Variants in PDILT observed in about 807,000 individuals in gnomAD.
PDILT encodes protein disulfide-isomerase-like protein of the testis.
Under a neutral mutation model 53.7 loss-of-function variants are expected in PDILT, and 43 were observed. The observed-to-expected ratio is 0.80, with a 90% CI of 0.63 to 1.03. PDILT has a LOEUF of 1.03. PDILT is among the 50% of genes least tolerant of loss of function. PDILT has a pLI of 0.00. For synonymous variants in PDILT, 282 were observed against 274.2 expected, an observed-to-expected ratio of 1.03 and a Z score of -0.28; for missense variants, 727 against 712.3, an observed-to-expected ratio of 1.02 and a Z score of -0.24.
chr16:20,360,421 A>G (rs1465881743), intron 11 of PDILT, 147 bp downstream of exon 11: 2 of 750,912 alleles, frequency 2.7e-6, no homozygotes, highest in Non-Finnish European at 4.6e-6. Context: ...GGTGACTAGT[A>G]GAGTCACCCA....
chr16:20,369,453 T>C, intron 8 of PDILT, 39 bp downstream of exon 8: 3 of 1,571,848 alleles, frequency 1.9e-6, no homozygotes, highest in Non-Finnish European at 2.6e-6. Context: ...GGAGATGATT[T>C]TGAGGTTCTG....
intron 1 of PDILT, among the ~76,000 whole-genome samples, chr16:20,403,616 C>T (rs1966774400): frequency 6.6e-6 from 1 of 152,004 alleles, no homozygotes; most frequent in African/African-American, 2.4e-5. Context: ...ACAGGAATTC[C>T]ATCACACCAC....
chr16:20,359,416 C>A lies in PDILT; in HGVS notation c.1658G>T (p.Gly553Val). The A allele has an allele frequency of 6.2e-7, 1 of 1,614,144 alleles. No homozygotes were observed. Among genetic ancestry groups the A allele is most frequent in the East Asian group, 2.2e-5 (1 of 44,880 alleles). The change falls in exon 12 of 12, where the codon GGG (glycine) becomes GTG (valine). Residue 553 changes from glycine to valine, a missense_variant. Gly to Val is a moderately radical substitution (Grantham distance 109, BLOSUM62 -3). Transcript: ENST00000302451. ...KYVSKLEEPA[G>V]KKKTSEEVVV... ...CACCTCCTCAGATGTTTTCTTCTTC[C>A]CAGCGGGCTCTTCCAGCTTGGATAC...
intron 3 of PDILT, among the ~76,000 whole-genome samples, chr16:20,379,604 C>T (rs1211656980): frequency 6.6e-6 from 1 of 152,230 alleles, no homozygotes; most frequent in Non-Finnish European, 1.5e-5. Context: ...CATGAGTCAC[C>T]ATGCCCGGCT....
chr16:20,361,119 G>A (rs1966093922), intron 10 of PDILT, among the ~76,000 whole-genome samples: 2 of 151,804 alleles, frequency 1.3e-5, no homozygotes, highest in Admixed American at 6.6e-5. Flanking sequence ...ACAATAATAA[G>A]AGGAAGAATA....
At chr16:20,392,444 C>T (rs1966616437) in intron 2 of PDILT, among the ~76,000 whole-genome samples, 1 of 152,142 alleles carries the variant, frequency 6.6e-6, no homozygotes, top group African/African-American at 2.4e-5. Flanking sequence ...GCTGGTCACC[C>T]ATTAAGGATC....
At chr16:20,368,295 A>C (rs1019876316) in intron 8 of PDILT, among the ~76,000 whole-genome samples, 2 of 152,126 alleles carry the variant, frequency 1.3e-5, no homozygotes, top group Non-Finnish European at 2.9e-5. Flanking sequence ...CAGAGAGTGA[A>C]GGCAGATAGT....
intron 3 of PDILT, among the ~76,000 whole-genome samples, chr16:20,380,071 T>C (rs1966442111): frequency 6.6e-6 from 1 of 152,166 alleles, no homozygotes; most frequent in South Asian, 2.1e-4. Context: ...ACCTGCCAAA[T>C]GAATTTAAAT....
At chr16:20,365,664 G>C in intron 8 of PDILT, 124 bp from the exon 9 acceptor site, 4 of 1,260,572 alleles carry the variant, frequency 3.2e-6, no homozygotes, top group Non-Finnish European at 4.4e-6. Context: ...CCTTAGGAAA[G>C]GGTTTGAAAT....
chr16:20,368,490 C>CA lies in PDILT; in HGVS notation c.1116+1001dup, dbSNP rs560970232. Among the ~76,000 whole-genome samples the CA allele has an allele frequency of 3.5e-3, 538 of 152,260 alleles. 14 individuals carry two copies. Among genetic ancestry groups the CA allele is most frequent in the Admixed American group, 0.019 (297 of 15,298 alleles). On this transcript the variant is annotated intron_variant, in intron 8 of 11. Transcript: ENST00000302451. ...GCTTCCACAGAAAAGGCTATAGGGG[C>CA]AGCTGTGTCTCTGGGAGAATGGACA... is the stretch of plus-strand genomic sequence containing the variant.
chr16:20,400,441 G>GTTTTTTT (rs1966724181), intron 1 of PDILT, among the ~76,000 whole-genome samples: 1 of 142,820 alleles, frequency 7.0e-6, no homozygotes. Flanking sequence ...TTGCAGCTTG[G>GTTTTTTT]TTAGCTCTTT....
intron 2 of PDILT, among the ~76,000 whole-genome samples, chr16:20,394,545 T>G (rs1238568890): frequency 6.6e-6 from 1 of 152,192 alleles, no homozygotes; most frequent in African/African-American, 2.4e-5. Flanking sequence ...GTAGAAATGA[T>G]GTACACCAGT....
At chr16:20,376,282 A>C (rs1412347438) in intron 3 of PDILT, 81 bp from the exon 4 acceptor site, 3 of 1,548,564 alleles carry the variant, frequency 1.9e-6, no homozygotes, top group Middle Eastern at 1.7e-4. Context: ...CTCAAGTTTA[A>C]TGCATAGAAC....
chr16:20,390,460 G>C (rs1966595023), intron 2 of PDILT: 1 of 152,062 alleles, frequency 6.6e-6, no homozygotes, highest in Admixed American at 6.6e-5. Flanking sequence ...CAGGGAGGCT[G>C]TCCCTGGCCA....
intron 1 of PDILT, among the ~76,000 whole-genome samples, chr16:20,401,592 G>C (rs952277907): frequency 1.4e-4 from 21 of 152,172 alleles, no homozygotes; most frequent in African/African-American, 4.6e-4. Context: ...AAGCCTCAAG[G>C]GGCCTTCAGA....
rs768435340 is a variant in PDILT at position 20,369,471 on chromosome 16, C to T, written c.1116+21G>A. On this transcript the variant is annotated intron_variant, in intron 8 of 11. Coordinates refer to ENST00000302451, the MANE Select transcript of PDILT (RefSeq NM_174924.2). ...GATGATTTTGAGGTTCTGGATAAAC[C>T]TTGTCCAAGAAAAAACCTACTGTGG... 3 of 1,606,314 alleles carry T rather than the reference C, an allele frequency of 1.9e-6. No homozygotes were observed. The East Asian group carries it at 6.7e-5, about 36-fold the overall frequency.
intron 4 of PDILT, 28 bp downstream of exon 4, chr16:20,376,040 G>T: frequency 3.1e-6 from 5 of 1,613,210 alleles, no homozygotes; most frequent in African/African-American, 1.3e-5. Context: ...TCAGTTGAAA[G>T]CCTCCTCCCA....
chr16:20,370,825 G>A (rs1354950683), intron 7 of PDILT, among the ~76,000 whole-genome samples: 2 of 152,100 alleles, frequency 1.3e-5, no homozygotes, highest in African/African-American at 4.8e-5. Flanking sequence ...TGACCTCTGG[G>A]CATCCTCACT....
rs188450828 is a variant in PDILT at position 20,377,247 on chromosome 16, T to G, written c.410-1046A>C. Among the ~76,000 whole-genome samples, 14 of 152,306 alleles carry G rather than the reference T, an allele frequency of 9.2e-5. 1 individual carries two copies. The highest frequency in any genetic ancestry group is 3.4e-4 in the African/African-American group (14 of 41,580). Reference sequence around the variant, plus strand: ...AGGCTGCAGTGAGCTACAATCAGCCTGGGAGACAGAGTGAGACCTTGTCTC... The same window carrying G: ...AGGCTGCAGTGAGCTACAATCAGCCGGGGAGACAGAGTGAGACCTTGTCTC... On this transcript the variant is annotated intron_variant, in intron 3 of 11. Transcript: ENST00000302451.
Sources: allele counts gnomAD v4.1 joint callset (sites outside exome capture counted in the v4.1 genomes callset), GRCh38; gene constraint gnomAD v4.1.1; transcripts MANE v1.5; gene names NCBI Gene and HGNC (gene_info 2026-07-23, HGNC 2026-07-21).